The following NLGN1 variants were observed in gnomAD, a reference collection of about 807,000 sequenced individuals.
NLGN1 encodes neuroligin 1.
In NLGN1, 12 loss-of-function variants were observed where a neutral mutation model predicts 65.5. That is an observed-to-expected ratio of 0.18 (90% CI 0.12 to 0.30). The LOEUF is 0.30. Among genes scored for constraint, NLGN1 ranks in the 10% least tolerant of loss-of-function variants. NLGN1 has a pLI of 1.00. For missense variants in NLGN1, 750 were observed against 1,007.1 expected (o/e 0.74, Z 3.46); for synonymous variants, 350 against 359.5 (o/e 0.97, Z 0.30).
chr3:173,786,928 G>A (rs1184535639), intron 3 of NLGN1, among the ~76,000 whole-genome samples: 5 of 151,870 alleles, frequency 3.3e-5, no homozygotes, highest in Non-Finnish European at 5.9e-5. Flanking sequence ...ATACAAAAAA[G>A]TAGCAGGGTG....
intron 4 of NLGN1, among the ~76,000 whole-genome samples, chr3:174,113,217 A>C (rs1188350004): frequency 2.0e-5 from 3 of 151,982 alleles, no homozygotes; most frequent in African/African-American, 7.2e-5. Context: ...ATTTGTCAAT[A>C]GTATACAATC....
chr3:173,598,881 G>A (rs1410247835), intron 2 of NLGN1, among the ~76,000 whole-genome samples: 2 of 152,042 alleles, frequency 1.3e-5, no homozygotes, highest in African/African-American at 4.8e-5. Context: ...GGGAGCTTTG[G>A]GGCTCCTCTG....
Position 173,627,514 on chromosome 3 carries a change from T to C in NLGN1, c.493+22423T>C, listed in dbSNP as rs139581967. On this transcript the variant is annotated intron_variant, in intron 3 of 6. Transcript: ENST00000457714. ...TGTAATGAACGTGAGAGTGAAGATC[T>C]CTCTTCAAGGGAGTGATTTTATTTC... is the stretch of plus-strand genomic sequence containing the variant. 3.9e-5 allele frequency among the ~76,000 whole-genome samples: 6 copies of C among 152,186 alleles called. No homozygotes were observed. The East Asian group carries it at 9.7e-4, about 25-fold the overall frequency.
chr3:174,208,512 G>C (rs1735839076), intron 4 of NLGN1, among the ~76,000 whole-genome samples: 1 of 152,160 alleles, frequency 6.6e-6, no homozygotes, highest in Admixed American at 6.5e-5. Context: ...TCTAGGGTCA[G>C]ATATAGGGCA....
intron 4 of NLGN1, among the ~76,000 whole-genome samples, chr3:174,220,212 A>G (rs1738383671): frequency 6.6e-6 from 1 of 152,128 alleles, no homozygotes; most frequent in Admixed American, 6.5e-5. Flanking sequence ...GGATGGCACT[A>G]GACAAAGTCA....
At chr3:173,820,435 G>C (rs962687948) in intron 4 of NLGN1, among the ~76,000 whole-genome samples, 4 of 152,140 alleles carry the variant, frequency 2.6e-5, no homozygotes, top group Non-Finnish European at 5.9e-5. Context: ...CATGAAAATA[G>C]TGTTGAAATG....
intron 4 of NLGN1, among the ~76,000 whole-genome samples, chr3:173,961,781 A>C (rs1032164939): frequency 5.9e-5 from 9 of 152,054 alleles, no homozygotes; most frequent in African/African-American, 2.2e-4. Context: ...TTCTTATTAT[A>C]ATCAATTAAT....
At chr3:174,122,871 A>AT (rs1718074706) in intron 4 of NLGN1, among the ~76,000 whole-genome samples, 1 of 152,052 alleles carries the variant, frequency 6.6e-6, no homozygotes, top group Non-Finnish European at 1.5e-5. Flanking sequence ...TACAAAGTCA[A>AT]TTTGTTTCAG....
At chr3:173,935,315 A>G (rs1744849744) in intron 4 of NLGN1, among the ~76,000 whole-genome samples, 1 of 152,046 alleles carries the variant, frequency 6.6e-6, no homozygotes, top group Non-Finnish European at 1.5e-5. Flanking sequence ...AATATCAGAG[A>G]TGAAGTTTAG....
At chr3:173,865,515 T>A (rs537196400) in intron 4 of NLGN1, among the ~76,000 whole-genome samples, 45 of 152,270 alleles carry the variant, frequency 3.0e-4, no homozygotes, top group African/African-American at 1.0e-3. Context: ...AATAAATCCC[T>A]ATGATTTCAA....
At chr3:174,261,130 C>T (rs1746812593) in intron 4 of NLGN1, among the ~76,000 whole-genome samples, 1 of 152,166 alleles carries the variant, frequency 6.6e-6, no homozygotes, top group African/African-American at 2.4e-5. Flanking sequence ...ATGCCTCCAG[C>T]TTTGTTCTTT....
At chr3:173,480,082 G>A (rs998167971) in intron 2 of NLGN1, among the ~76,000 whole-genome samples, 3 of 152,052 alleles carry the variant, frequency 2.0e-5, no homozygotes, top group African/African-American at 7.2e-5. Context: ...TAGTTCAGAC[G>A]GTTTGGAGTA....
chr3:174,213,465 TCAAA>T (rs879287953), intron 4 of NLGN1, among the ~76,000 whole-genome samples: 26 of 152,280 alleles, frequency 1.7e-4, no homozygotes, highest in East Asian at 3.9e-4. Context: ...GTATAATCAA[TCAAA>T]CAATGTTGAA....
intron 4 of NLGN1, among the ~76,000 whole-genome samples, chr3:174,127,619 ACTC>A (rs1719227476): frequency 6.6e-6 from 1 of 151,482 alleles, no homozygotes; most frequent in Non-Finnish European, 1.5e-5. Context: ...TGCTGTAGAA[ACTC>A]CTCTCCTGTC....
intron 4 of NLGN1, among the ~76,000 whole-genome samples, chr3:173,861,514 ACGTGTGTG>A (rs1330627390): frequency 1.1e-5 from 1 of 92,200 alleles, no homozygotes; most frequent in African/African-American, 4.6e-5. Flanking sequence ...AGTAGCTGGC[ACGTGTGTG>A]TGTGTGTGTG....
At chr3:174,011,120 C>T (rs1233449865) in intron 4 of NLGN1, among the ~76,000 whole-genome samples, 1 of 152,144 alleles carries the variant, frequency 6.6e-6, no homozygotes, top group African/African-American at 2.4e-5. Flanking sequence ...TGTTTCATAT[C>T]AATTACCAGT....
chr3:173,858,090 C>T (rs961903692), intron 4 of NLGN1, among the ~76,000 whole-genome samples: 1 of 151,928 alleles, frequency 6.6e-6, no homozygotes, highest in Non-Finnish European at 1.5e-5. Context: ...CATTTCTCTT[C>T]GTAGGAAGAG....
intron 3 of NLGN1, among the ~76,000 whole-genome samples, chr3:173,789,492 A>T (rs1712161174): frequency 6.6e-6 from 1 of 152,238 alleles, no homozygotes; most frequent in African/African-American, 2.4e-5. Flanking sequence ...AGGTGGATAG[A>T]ACACATTGTC....
upstream of NLGN1, among the ~76,000 whole-genome samples, chr3:173,397,326 C>T (rs1214622678): frequency 1.3e-5 from 2 of 152,128 alleles, no homozygotes; most frequent in Admixed American, 1.3e-4. Flanking sequence ...CTTTTAAATC[C>T]ACCTTTTACA....
Sources: gnomAD v4.1 joint callset for allele counts (sites outside exome capture counted in the v4.1 genomes callset) on GRCh38, gnomAD v4.1.1 for gene constraint, MANE v1.5 for transcripts, NCBI Gene and HGNC (gene_info 2026-07-23, HGNC 2026-07-21) for gene names.